The following B3GLCT variants were observed in gnomAD, a reference collection of about 807,000 sequenced individuals.
B3GLCT encodes beta-1,3-glucosyltransferase.
B3GLCT carries 65 observed loss-of-function variants against 63.4 expected under a neutral mutation model. That is an observed-to-expected ratio of 1.03 (90% CI 0.84 to 1.26). The LOEUF is 1.26. Ranked by LOEUF, B3GLCT falls within the 50% of genes most tolerant of loss-of-function variation. The pLI is 0.00. For missense variants in B3GLCT, 577 were observed against 604.8 expected (o/e 0.95, Z 0.48); for synonymous variants, 233 against 219.2 (o/e 1.06, Z -0.55).
chr13:31,275,069 A>G (rs930888640), intron 9 of B3GLCT, among the ~76,000 whole-genome samples: 3 of 152,208 alleles, frequency 2.0e-5, no homozygotes, highest in African/African-American at 7.2e-5. Flanking sequence ...TCCTTGGTAT[A>G]TCTGTACCAC....
At chr13:31,224,069 T>C (rs1316019677) in intron 3 of B3GLCT, among the ~76,000 whole-genome samples, 1 of 152,056 alleles carries the variant, frequency 6.6e-6, no homozygotes, top group African/African-American at 2.4e-5. Context: ...GTGCAGAAGT[T>C]CAGGAGAGAC....
Position 31,251,053 on chromosome 13 carries a change from C to T in B3GLCT, c.459+3087C>T, listed in dbSNP as rs558038315. 3.0e-4 allele frequency among the ~76,000 whole-genome samples: 45 copies of T among 152,256 alleles called. 2 individuals carry two copies. The South Asian group carries it at 8.3e-3, about 28-fold the overall frequency. On this transcript the variant is annotated intron_variant, in intron 6 of 14. Transcript: ENST00000343307. ...ATCTTTGTGGTTCTGCACCCTCCACCGGGGATACCCAGGCAAACAGGATCT... is the reference window on the plus strand; with the variant it reads ...ATCTTTGTGGTTCTGCACCCTCCACTGGGGATACCCAGGCAAACAGGATCT...
chr13:31,297,207 GTT>G (rs1873993339), intron 12 of B3GLCT, among the ~76,000 whole-genome samples: 2 of 152,116 alleles, frequency 1.3e-5, no homozygotes, highest in Admixed American at 1.3e-4. Context: ...TCAACATGGG[GTT>G]GTGGGTATGC....
intron 12 of B3GLCT, among the ~76,000 whole-genome samples, chr13:31,294,870 C>A (rs1445950947): frequency 3.9e-5 from 6 of 152,044 alleles, no homozygotes; most frequent in Non-Finnish European, 8.8e-5. Flanking sequence ...GAGTTGTTAT[C>A]CTTGGGAGAA....
intron 2 of B3GLCT, among the ~76,000 whole-genome samples, chr13:31,216,396 A>G (rs1457633985): frequency 6.6e-6 from 1 of 151,926 alleles, no homozygotes; most frequent in African/African-American, 2.4e-5. Context: ...TTTTCTTTTC[A>G]ACTTGTGTTT....
At chr13:31,312,231 A>T (rs1309241020) in intron 12 of B3GLCT, 1 of 152,182 alleles carries the variant, frequency 6.6e-6, no homozygotes, top group East Asian at 1.9e-4. Context: ...TCCTCATTTG[A>T]TTGAATAGAG....
At chr13:31,221,969 C>T (rs1033646037) in intron 2 of B3GLCT, among the ~76,000 whole-genome samples, 1 of 152,006 alleles carries the variant, frequency 6.6e-6, no homozygotes, top group African/African-American at 2.4e-5. Context: ...TTTGAGAGTT[C>T]CTCCGTTGAT....
chr13:31,262,755 T>G (rs560193264), intron 7 of B3GLCT, among the ~76,000 whole-genome samples: 2 of 152,304 alleles, frequency 1.3e-5, no homozygotes, highest in South Asian at 4.2e-4. Context: ...GCTGAGCCAC[T>G]GTTCCTTTTC....
At chr13:31,319,715 T>C (rs1405749625) in intron 13 of B3GLCT, among the ~76,000 whole-genome samples, 1 of 152,158 alleles carries the variant, frequency 6.6e-6, no homozygotes, top group Non-Finnish European at 1.5e-5. Flanking sequence ...CCAGAACTCT[T>C]TCTCCAGCCT....
chr13:31,234,091 C>T (rs547150790), intron 4 of B3GLCT, among the ~76,000 whole-genome samples: 7 of 151,806 alleles, frequency 4.6e-5, no homozygotes, highest in African/African-American at 1.7e-4. Context: ...CATCTCAGCT[C>T]ACTGCAAGCT....
intron 4 of B3GLCT, among the ~76,000 whole-genome samples, chr13:31,239,599 CA>C (rs779308288): frequency 2.6e-5 from 4 of 151,304 alleles, no homozygotes; most frequent in Middle Eastern, 3.2e-3. Context: ...TTACATGAAA[CA>C]AAAGAGCAAA....
chr13:31,312,182 A>G (rs1358220609), intron 12 of B3GLCT, among the ~76,000 whole-genome samples: 2 of 152,232 alleles, frequency 1.3e-5, no homozygotes, highest in Non-Finnish European at 2.9e-5. Context: ...ACAGAGTCCT[A>G]TGGTGAGGAC....
intron 1 of B3GLCT, among the ~76,000 whole-genome samples, chr13:31,213,624 C>CCCCCCCCCCCCCCA (rs1555244560): frequency 1.4e-5 from 1 of 73,024 alleles, no homozygotes; most frequent in Non-Finnish European, 3.1e-5. Context: ...CCACCCCACC[C>CCCCCCCCCCCCCCA]CCCCCCCCCG....
Position 31,330,752 on chromosome 13 carries a change from CTA to C in B3GLCT, c.*1085_*1086del, listed in dbSNP as rs1875881611. ...TCAGTATTAATGTATAAAAAGCACT[CTA>C]ATTATATAATTCAGTTTTTGTAAAG... is the stretch of plus-strand genomic sequence containing the variant. On this transcript the variant is annotated 3_prime_UTR_variant, in exon 15 of 15. Coordinates refer to ENST00000343307, the MANE Select transcript of B3GLCT (RefSeq NM_194318.4). 6.6e-6 allele frequency: 1 copy of C among 151,892 alleles called. No homozygotes were observed. The highest frequency in any genetic ancestry group is 1.5e-5 in the Non-Finnish European group (1 of 67,952). The allele number at this position is 151,892 out of a possible 1,614,324, so 9.4% of individuals were successfully genotyped here.
intron 6 of B3GLCT, among the ~76,000 whole-genome samples, chr13:31,253,404 G>A (rs1186573535): frequency 1.3e-5 from 2 of 151,786 alleles, no homozygotes; most frequent in African/African-American, 4.8e-5. Context: ...ATCCTGGCTA[G>A]CATGATGAAA....
intron 1 of B3GLCT, among the ~76,000 whole-genome samples, chr13:31,207,603 C>T (rs550203571): frequency 1.1e-4 from 17 of 152,010 alleles, no homozygotes; most frequent in South Asian, 1.0e-3. Context: ...TATATTTACT[C>T]TCTGGCCCAT....
At chr13:31,212,056 AT>A (rs1173743890) in intron 1 of B3GLCT, among the ~76,000 whole-genome samples, 1 of 152,078 alleles carries the variant, frequency 6.6e-6, no homozygotes, top group Non-Finnish European at 1.5e-5. Flanking sequence ...CCCCAGAGAT[AT>A]TTGACTGTCC....
intron 12 of B3GLCT, among the ~76,000 whole-genome samples, chr13:31,288,035 A>G (rs1013943466): frequency 1.3e-5 from 2 of 152,232 alleles, no homozygotes; most frequent in African/African-American, 4.8e-5. Context: ...AATATATGCA[A>G]TTGAAATCTC....
intron 12 of B3GLCT, among the ~76,000 whole-genome samples, chr13:31,315,388 G>A (rs572312784): frequency 3.3e-5 from 5 of 152,322 alleles, no homozygotes; most frequent in South Asian, 4.1e-4. Flanking sequence ...CTCTTGCTGC[G>A]TTTTAGCAAA....
Sources: allele counts gnomAD v4.1 joint callset (sites outside exome capture counted in the v4.1 genomes callset), GRCh38; gene constraint gnomAD v4.1.1; transcripts MANE v1.5; gene names NCBI Gene and HGNC (gene_info 2026-07-23, HGNC 2026-07-21).